Variants in HSD17B12 observed in about 807,000 individuals in gnomAD.
HSD17B12 encodes very-long-chain 3-oxoacyl-CoA reductase.
A neutral mutation model predicts 39.3 loss-of-function variants in HSD17B12; 32 were observed. That is an observed-to-expected ratio of 0.81 (90% confidence interval 0.61 to 1.09). HSD17B12 has a LOEUF of 1.09. HSD17B12 is among the 50% of genes least tolerant of loss of function. HSD17B12 has a pLI of 0.00. For missense variants in HSD17B12, 342 were observed against 382.9 expected, an observed-to-expected ratio of 0.89 and a Z score of 0.89; for synonymous variants, 150 against 146.7, an observed-to-expected ratio of 1.02 and a Z score of -0.16.
At chr11:43,718,307 G>T (rs7117036) in intron 1 of HSD17B12, among the ~76,000 whole-genome samples, 1 of 151,992 alleles carries the variant, frequency 6.6e-6, no homozygotes. Flanking sequence ...TTTCTTCCAC[G>T]TGCAGAATAT....
At chr11:43,732,167 T>A (rs1433917820) in intron 1 of HSD17B12, among the ~76,000 whole-genome samples, 3 of 152,178 alleles carry the variant, frequency 2.0e-5, no homozygotes, top group African/African-American at 7.2e-5. Flanking sequence ...GGCTCTCCTC[T>A]GCCCTTAGTC....
chr11:43,849,613 C>G (rs552115260), intron 9 of HSD17B12, among the ~76,000 whole-genome samples: 1 of 152,180 alleles, frequency 6.6e-6, no homozygotes, highest in Non-Finnish European at 1.5e-5. Flanking sequence ...GGTTATAAGT[C>G]ACCACATCAA....
intron 4 of HSD17B12, among the ~76,000 whole-genome samples, chr11:43,808,949 T>C (rs927145023): frequency 1.3e-5 from 2 of 152,200 alleles, no homozygotes; most frequent in African/African-American, 4.8e-5. Flanking sequence ...TTCCAAACTC[T>C]CTCTATAGGC....
chr11:43,718,627 T>A (rs1950147568), intron 1 of HSD17B12: 1 of 637,750 alleles, frequency 1.6e-6, no homozygotes, highest in Non-Finnish European at 2.8e-6. Context: ...TGTTACTAAG[T>A]CTCTTACCCC....
chr11:43,783,774 C>CAT (rs1950789821), intron 3 of HSD17B12, among the ~76,000 whole-genome samples: 2 of 151,930 alleles, frequency 1.3e-5, no homozygotes, highest in South Asian at 4.2e-4. Flanking sequence ...CGTTTGTTTA[C>CAT]ATAGGATACC....
At chr11:43,616,036 A>G in the HSD17B12 span, among the ~76,000 whole-genome samples, 2 of 152,172 alleles carry the variant, frequency 1.3e-5, no homozygotes, top group Admixed American at 6.5e-5. Context: ...AAATGAAGAG[A>G]AGGGGGAAAA....
At chr11:43,719,157 G>C (rs1950153144) in intron 1 of HSD17B12, 3 of 754,732 alleles carry the variant, frequency 4.0e-6, no homozygotes, top group African/African-American at 3.4e-5. Context: ...ACTTAGTCCA[G>C]ATGGCTAATT....
Position 43,706,724 on chromosome 11 carries a change from T to TGTGTGTGTGTTG in HSD17B12, c.160+25738_160+25739insTGTGTGTGTTGG, listed in dbSNP as rs1204580097. The stretch of plus-strand genomic sequence containing the variant: ...TGTGTGTGTGTGTGTGTGTGTGTTG[T>TGTGTGTGTGTTG]GGGGGGTGGGTGTGCATTCTTTTCC... On this transcript the variant is annotated intron_variant, in intron 1 of 10. Transcript: ENST00000278353. 7.7e-4 allele frequency among the ~76,000 whole-genome samples: 62 copies of TGTGTGTGTGTTG among 80,336 alleles called. 1 individual carries two copies. The highest frequency in any genetic ancestry group is 2.7e-3 in the African/African-American group (60 of 22,438). The allele number at this position is 80,336 out of a possible 152,430, so 52.7% of individuals were successfully genotyped here. A position where few individuals can be genotyped will look rare whatever the true frequency, so the allele number is the denominator to read the frequency against.
At chr11:43,623,293 CATTT>C in the HSD17B12 span, among the ~76,000 whole-genome samples, 1 of 152,006 alleles carries the variant, frequency 6.6e-6, no homozygotes, top group African/African-American at 2.4e-5. Context: ...AATCAGCTAA[CATTT>C]ATTAGAGCTT....
chr11:43,732,016 G>C (rs780821849), intron 1 of HSD17B12, among the ~76,000 whole-genome samples: 4 of 152,136 alleles, frequency 2.6e-5, no homozygotes, highest in Non-Finnish European at 4.4e-5. Context: ...CCTGACCTAA[G>C]TCTCATCTTG....
chr11:43,631,961 G>T, the HSD17B12 span, among the ~76,000 whole-genome samples: 3 of 152,256 alleles, frequency 2.0e-5, no homozygotes, highest in East Asian at 3.9e-4. Flanking sequence ...GTTGGAGAGG[G>T]CTCTGGGGGC....
intron 3 of HSD17B12, among the ~76,000 whole-genome samples, chr11:43,787,418 C>T (rs1950825448): frequency 6.6e-6 from 1 of 152,098 alleles, no homozygotes; most frequent in Non-Finnish European, 1.5e-5. Context: ...GTTGAACTAT[C>T]TTGATCTAAG....
intron 1 of HSD17B12, among the ~76,000 whole-genome samples, chr11:43,690,404 A>ATATATTTTTTTTTTTTT (rs1554959942): frequency 1.2e-4 from 3 of 24,954 alleles, no homozygotes; most frequent in Non-Finnish European, 2.1e-4. Context: ...ATATATATAT[A>ATATATTTTTTTTTTTTT]TTTTTTTTTT....
chr11:43,712,084 C>T (rs1950072193), intron 1 of HSD17B12, among the ~76,000 whole-genome samples: 1 of 152,130 alleles, frequency 6.6e-6, no homozygotes, highest in African/African-American at 2.4e-5. Context: ...GAAACATTTA[C>T]AATCTATTTT....
At chr11:43,826,295 G>C (rs1315570813) in intron 6 of HSD17B12, among the ~76,000 whole-genome samples, 1 of 152,062 alleles carries the variant, frequency 6.6e-6, no homozygotes, top group South Asian at 2.1e-4. Context: ...GTGTTAGCCA[G>C]GATGGTCTCG....
chr11:43,807,113 G>C (rs950559513), intron 4 of HSD17B12, among the ~76,000 whole-genome samples: 23 of 151,924 alleles, frequency 1.5e-4, no homozygotes, highest in African/African-American at 5.5e-4. Context: ...TTTTTTGATT[G>C]ATTCATTCAA....
the HSD17B12 span, among the ~76,000 whole-genome samples, chr11:43,600,466 C>T: frequency 6.6e-6 from 1 of 151,984 alleles, no homozygotes; most frequent in African/African-American, 2.4e-5. Context: ...TTGAATGTTG[C>T]GGAGAAGGCT....
At chr11:43,705,455 C>T (rs1344059885) in intron 1 of HSD17B12, among the ~76,000 whole-genome samples, 1 of 152,150 alleles carries the variant, frequency 6.6e-6, no homozygotes, top group African/African-American at 2.4e-5. Flanking sequence ...ATCTGGGAGA[C>T]TGTGGCCCAA....
the HSD17B12 span, among the ~76,000 whole-genome samples, chr11:43,568,415 G>T: frequency 6.6e-6 from 1 of 151,530 alleles, no homozygotes; most frequent in African/African-American, 2.4e-5. Flanking sequence ...CTGTTTGTTT[G>T]TTTTTTTTTT....
Sources: allele counts gnomAD v4.1 joint callset (sites outside exome capture counted in the v4.1 genomes callset), GRCh38; gene constraint gnomAD v4.1.1; transcripts MANE v1.5; gene names NCBI Gene and HGNC (gene_info 2026-07-23, HGNC 2026-07-21).